IMMP1L: variants seen among roughly 807,000 people sequenced by gnomAD.
IMMP1L encodes the protein inner mitochondrial membrane peptidase subunit 1.
Under a neutral mutation model 21.8 loss-of-function variants are expected in IMMP1L, and 24 were observed. The observed-to-expected ratio is 1.10, with a 90% CI of 0.80 to 1.55. The LOEUF is 1.55. Ranked by LOEUF, IMMP1L falls within the 40% of genes most tolerant of loss-of-function variation. The pLI, the probability that IMMP1L is intolerant of heterozygous loss-of-function variation, is 0.00. For missense variants in IMMP1L, 195 were observed against 200.7 expected (o/e 0.97, Z 0.17); for synonymous variants, 46 against 62.8 (o/e 0.73, Z 1.26).
chr11:31,450,741 T>C (rs565430862), intron 4 of IMMP1L, among the ~76,000 whole-genome samples: 1 of 152,150 alleles, frequency 6.6e-6, no homozygotes, highest in Non-Finnish European at 1.5e-5. Flanking sequence ...AGTTGTAACA[T>C]CATGCATTTA....
chr11:31,462,766 AG>A (rs1392588799), intron 2 of IMMP1L, among the ~76,000 whole-genome samples: 1 of 152,208 alleles, frequency 6.6e-6, no homozygotes, highest in African/African-American at 2.4e-5. Flanking sequence ...AAGCTTTCTC[AG>A]TTCATTTCCT....
intron 1 of IMMP1L, among the ~76,000 whole-genome samples, chr11:31,472,433 T>C (rs1432630567): frequency 6.6e-6 from 1 of 152,232 alleles, no homozygotes; most frequent in Non-Finnish European, 1.5e-5. Flanking sequence ...TGCTCTAAAC[T>C]CTTGGTGACC....
At chr11:31,494,672 C>T (rs903748840) in intron 1 of IMMP1L, among the ~76,000 whole-genome samples, 3 of 151,582 alleles carry the variant, frequency 2.0e-5, no homozygotes, top group Non-Finnish European at 2.9e-5. Flanking sequence ...AAAGTAGTCT[C>T]ACTCTGTCAC....
At chr11:31,478,124 CATA>C (rs1399049253) in intron 1 of IMMP1L, among the ~76,000 whole-genome samples, 1 of 152,208 alleles carries the variant, frequency 6.6e-6, no homozygotes, top group Admixed American at 6.5e-5. Flanking sequence ...TAGAACTTTG[CATA>C]ATAAGATTAC....
intron 4 of IMMP1L, among the ~76,000 whole-genome samples, chr11:31,448,036 C>T (rs768490998): frequency 7.9e-5 from 12 of 152,106 alleles, no homozygotes; most frequent in Non-Finnish European, 1.0e-4. Context: ...CACCTGGGCG[C>T]GGTGGCTCAC....
chr11:31,449,064 G>A, intron 4 of IMMP1L: 2 of 985,374 alleles, frequency 2.0e-6, no homozygotes, highest in South Asian at 4.7e-5. Flanking sequence ...AGAAATGGAT[G>A]TGTAGCACAG....
chr11:31,476,441 A>T (rs985177608), intron 1 of IMMP1L, among the ~76,000 whole-genome samples: 3 of 152,088 alleles, frequency 2.0e-5, no homozygotes, highest in African/African-American at 7.2e-5. Flanking sequence ...TATGGAAAAG[A>T]ATAAAAGATA....
intron 4 of IMMP1L, among the ~76,000 whole-genome samples, chr11:31,438,795 GA>G (rs1953213912): frequency 6.6e-6 from 1 of 151,748 alleles, no homozygotes. Flanking sequence ...TCTTATTCTT[GA>G]AGTTGTTACT....
intron 4 of IMMP1L, among the ~76,000 whole-genome samples, chr11:31,437,941 G>T (rs1329227407): frequency 1.3e-5 from 2 of 152,122 alleles, no homozygotes; most frequent in Non-Finnish European, 2.9e-5. Flanking sequence ...TTACTTCTGA[G>T]AAGTATTCCA....
chr11:31,460,856 CAAGT>C (rs1954118042), intron 2 of IMMP1L, 142 bp from the exon 3 acceptor site: 1 of 641,898 alleles, frequency 1.6e-6, no homozygotes. Context: ...TGGCAGTTCT[CAAGT>C]AAGTTCAACT....
At chr11:31,492,833 G>A (rs965338708) in intron 1 of IMMP1L, among the ~76,000 whole-genome samples, 3 of 152,098 alleles carry the variant, frequency 2.0e-5, no homozygotes, top group African/African-American at 4.8e-5. Context: ...ACATGGGCAC[G>A]GTTTCTGGTG....
intron 4 of IMMP1L, among the ~76,000 whole-genome samples, chr11:31,442,886 G>A (rs972436633): frequency 6.6e-6 from 1 of 152,010 alleles, no homozygotes; most frequent in Non-Finnish European, 1.5e-5. Context: ...CGATACTCTA[G>A]TCTCAAAAGT....
At position 31,509,589 on chromosome 11, in the gene IMMP1L, G is replaced by T. The variant is rs1955930910; in HGVS notation, c.-100C>A. On this transcript the variant is annotated 5_prime_UTR_variant, in exon 1 of 6. Coordinates refer to ENST00000532287, the MANE Select transcript of IMMP1L (RefSeq NM_001304274.2). ...GGGCCTTTCTCACCTGGGCCCCGCC[G>T]AAGTCGACCGTCCTTTCGTAGGGCG... 3.2e-6 allele frequency: 2 copies of T among 620,574 alleles called. No homozygotes were observed. The highest frequency in any genetic ancestry group is 3.9e-5 in the South Asian group (2 of 50,694). The allele number at this position is 620,574 out of a possible 1,614,324, so 38.4% of individuals were successfully genotyped here.
chr11:31,434,282 A>G (rs1003018757), intron 4 of IMMP1L, among the ~76,000 whole-genome samples: 3 of 152,100 alleles, frequency 2.0e-5, no homozygotes, highest in Non-Finnish European at 4.4e-5. Context: ...AAATAACAAG[A>G]TTTTTACTCA....
intron 1 of IMMP1L, among the ~76,000 whole-genome samples, chr11:31,497,767 T>C (rs1373248383): frequency 3.3e-5 from 5 of 152,204 alleles, no homozygotes; most frequent in Non-Finnish European, 5.9e-5. Context: ...ATATTTCTTC[T>C]TGAATGATGA....
At chr11:31,473,637 A>C in intron 1 of IMMP1L, 1 of 394,744 alleles carries the variant, frequency 2.5e-6, no homozygotes, top group Non-Finnish European at 3.4e-6. Flanking sequence ...AAAAGAAATT[A>C]GAGATTCCTC....
intron 4 of IMMP1L, among the ~76,000 whole-genome samples, chr11:31,450,421 C>G (rs1953707105): frequency 6.6e-6 from 1 of 152,118 alleles, no homozygotes; most frequent in Non-Finnish European, 1.5e-5. Context: ...TAACTAAGTT[C>G]AGTATTCCAT....
At chr11:31,470,878 G>A (rs1954525260) in intron 1 of IMMP1L, among the ~76,000 whole-genome samples, 1 of 152,186 alleles carries the variant, frequency 6.6e-6, no homozygotes, top group South Asian at 2.1e-4. Context: ...GGCATAGAAA[G>A]ACACATATCA....
chr11:31,443,920 C>A (rs993645566), intron 4 of IMMP1L, among the ~76,000 whole-genome samples: 1 of 152,158 alleles, frequency 6.6e-6, no homozygotes, highest in African/African-American at 2.4e-5. Flanking sequence ...CGTTATTGAG[C>A]TTCTCCCTGC....
Sources: gnomAD v4.1 joint callset for allele counts (sites outside exome capture counted in the v4.1 genomes callset) on GRCh38, gnomAD v4.1.1 for gene constraint, MANE v1.5 for transcripts, NCBI Gene and HGNC (gene_info 2026-07-23, HGNC 2026-07-21) for gene names.